PTPRJ: variants seen among roughly 807,000 people sequenced by gnomAD.
The protein encoded by PTPRJ is protein tyrosine phosphatase receptor type J.
A neutral mutation model predicts 141.3 loss-of-function variants in PTPRJ; 129 were observed. That is an observed-to-expected ratio of 0.91 (90% CI 0.79 to 1.06). The LOEUF (loss-of-function observed/expected upper bound fraction) is 1.06. Among genes scored for constraint, PTPRJ ranks in the 50% least tolerant of loss-of-function variants. The pLI, the probability that PTPRJ is intolerant of heterozygous loss-of-function variation, is 0.00. For missense variants in PTPRJ, 1,601 were observed against 1,679.7 expected, an observed-to-expected ratio of 0.95 and a Z score of 0.82; for synonymous variants, 610 against 640.5, an observed-to-expected ratio of 0.95 and a Z score of 0.72.
rs1372370728 is a variant in PTPRJ at position 48,168,541 on chromosome 11, T to TAC, written c.*1180_*1181insCA. On this transcript the variant is annotated 3_prime_UTR_variant, in exon 25 of 25. Coordinates refer to ENST00000418331, the MANE Select transcript of PTPRJ (RefSeq NM_002843.4). ...CATATCGGAATCTACTGTGTATATA[T>TAC]ATATATATATATATATATATATATA... 3.3e-5 allele frequency: 2 copies of TAC among 61,066 alleles called. No homozygotes were observed. The highest frequency in any genetic ancestry group is 7.2e-5 in the African/African-American group (1 of 13,874). The allele number at this position is 61,066 out of a possible 1,614,324, so 3.8% of individuals were successfully genotyped here.
intron 1 of PTPRJ, among the ~76,000 whole-genome samples, chr11:48,011,930 C>T (rs1474500690): frequency 1.3e-5 from 2 of 152,202 alleles, no homozygotes; most frequent in Non-Finnish European, 2.9e-5. Context: ...TCCCAAAGTG[C>T]TGACATTATA....
chr11:48,122,789 G>A (rs75821546), intron 4 of PTPRJ, among the ~76,000 whole-genome samples: 1 of 152,354 alleles, frequency 6.6e-6, no homozygotes, highest in African/African-American at 2.4e-5. Context: ...TTTCGGAGCT[G>A]GACGGTGCCT....
chr11:48,047,219 C>T (rs1296852482), intron 1 of PTPRJ, among the ~76,000 whole-genome samples: 1 of 152,058 alleles, frequency 6.6e-6, no homozygotes, highest in Non-Finnish European at 1.5e-5. Context: ...CCAGGCCTTA[C>T]ATAAAAATTG....
chr11:48,147,580 G>A (rs1410864738), intron 15 of PTPRJ, among the ~76,000 whole-genome samples: 1 of 152,220 alleles, frequency 6.6e-6, no homozygotes, highest in Non-Finnish European at 1.5e-5. Context: ...GGTCCAGTAA[G>A]TCCCTTCCAA....
chr11:48,053,561 TTATATA>T (rs1394014758), intron 1 of PTPRJ, among the ~76,000 whole-genome samples: 1 of 134,370 alleles, frequency 7.4e-6, no homozygotes, highest in African/African-American at 2.9e-5. Flanking sequence ...TATATATAAT[TTATATA>T]TATATAAAAC....
intron 23 of PTPRJ, among the ~76,000 whole-genome samples, chr11:48,163,834 T>A (rs963571211): frequency 6.6e-5 from 10 of 152,214 alleles, no homozygotes; most frequent in Admixed American, 3.9e-4. Context: ...CAGCTGCTGT[T>A]TTTGTAAATA....
At chr11:48,127,267 C>G (rs1284695606) in intron 6 of PTPRJ, among the ~76,000 whole-genome samples, 1 of 152,218 alleles carries the variant, frequency 6.6e-6, no homozygotes, top group Non-Finnish European at 1.5e-5. Flanking sequence ...CTCGGGTTAT[C>G]TTTTCTTGAG....
chr11:48,132,815 C>A, intron 8 of PTPRJ: 1 of 724,962 alleles, frequency 1.4e-6, no homozygotes, highest in Non-Finnish European at 1.7e-6. Flanking sequence ...GGTTAAGCAC[C>A]GATAGTCACT....
At chr11:48,035,538 C>CCT (rs1854100091) in intron 1 of PTPRJ, among the ~76,000 whole-genome samples, 1 of 61,740 alleles carries the variant, frequency 1.6e-5, no homozygotes, top group Non-Finnish European at 3.0e-5. Context: ...CTTTCTTCTT[C>CCT]TTTTTTTTTT....
intron 5 of PTPRJ, among the ~76,000 whole-genome samples, chr11:48,124,664 C>T (rs1357640247): frequency 6.6e-6 from 1 of 152,150 alleles, no homozygotes; most frequent in African/African-American, 2.4e-5. Flanking sequence ...CCCTGGAAAT[C>T]CATGCTGGGA....
chr11:48,071,716 C>T (rs1388887542), intron 1 of PTPRJ, among the ~76,000 whole-genome samples: 1 of 143,928 alleles, frequency 6.9e-6, no homozygotes, highest in Non-Finnish European at 1.5e-5. Context: ...TCAAGCAATT[C>T]TCCTGCCTCA....
chr11:47,992,792 A>G (rs558899166), intron 1 of PTPRJ, among the ~76,000 whole-genome samples: 1 of 152,298 alleles, frequency 6.6e-6, no homozygotes, highest in South Asian at 2.1e-4. Context: ...AAGTATTGTA[A>G]AAATACCAGA....
intron 1 of PTPRJ, among the ~76,000 whole-genome samples, chr11:47,997,055 T>C: frequency 6.6e-6 from 1 of 152,180 alleles, no homozygotes; most frequent in Non-Finnish European, 1.5e-5. Context: ...CTTCTTTTCC[T>C]CCAGAACATG....
chr11:48,120,044 C>A lies in PTPRJ; in HGVS notation c.353-959C>A, dbSNP rs1286694418. Among the ~76,000 whole-genome samples, 3 of 152,162 alleles carry A rather than the reference C, an allele frequency of 2.0e-5. No homozygotes were observed. In the East Asian group the frequency reaches 5.8e-4, roughly 29 times the overall value. On this transcript the variant is annotated intron_variant, in intron 3 of 24. Coordinates refer to ENST00000418331, the MANE Select transcript of PTPRJ (RefSeq NM_002843.4). ...ACTTTGAGTAAAATTGCATGGTGAG[C>A]AACTAGCAGAATTGGACCCTGAAAC...
intron 1 of PTPRJ, among the ~76,000 whole-genome samples, chr11:48,079,415 C>CGT (rs958660800): frequency 2.5e-4 from 37 of 150,544 alleles, no homozygotes; most frequent in East Asian, 9.7e-4. Flanking sequence ...TCATGACGCT[C>CGT]GTGTGTGTGT....
chr11:48,094,039 A>G (rs954942850), intron 1 of PTPRJ, among the ~76,000 whole-genome samples: 19 of 152,204 alleles, frequency 1.2e-4, no homozygotes, highest in Admixed American at 2.6e-4. Context: ...CTGGTGGGTC[A>G]TTGGCTCCTG....
intron 1 of PTPRJ, among the ~76,000 whole-genome samples, chr11:48,082,117 ATC>A (rs1855574069): frequency 6.6e-6 from 1 of 152,224 alleles, no homozygotes. Flanking sequence ...CGTCAGTCCC[ATC>A]TCTCTTTTGT....
chr11:48,028,733 G>A (rs1853894010), intron 1 of PTPRJ, among the ~76,000 whole-genome samples: 1 of 152,242 alleles, frequency 6.6e-6, no homozygotes, highest in South Asian at 2.1e-4. Context: ...AGAGGTTGCA[G>A]TAAGCAGAGA....
At chr11:48,124,012 C>A in intron 5 of PTPRJ, 142 bp downstream of exon 5, 1 of 963,460 alleles carries the variant, frequency 1.0e-6, no homozygotes, top group Non-Finnish European at 1.5e-6. Context: ...TAGTTTGATC[C>A]CCCACCTGCA....
Sources: gnomAD v4.1 joint callset for allele counts (sites outside exome capture counted in the v4.1 genomes callset) on GRCh38, gnomAD v4.1.1 for gene constraint, MANE v1.5 for transcripts, NCBI Gene and HGNC (gene_info 2026-07-23, HGNC 2026-07-21) for gene names.